Variants in CHSY3 observed in about 807,000 individuals in gnomAD.
CHSY3 encodes chondroitin sulfate synthase 3, also known as N-acetylgalactosaminyl-proteoglycan 3-beta-glucuronosyltransferase 3.
In CHSY3, 35 loss-of-function variants were observed where a neutral mutation model predicts 67.2. The observed-to-expected ratio is 0.52, with a 90% confidence interval of 0.40 to 0.69. The LOEUF is 0.69. Ranked by LOEUF, CHSY3 falls within the 30% of genes least tolerant of loss-of-function variation. The pLI, the probability that CHSY3 is intolerant of heterozygous loss-of-function variation, is 0.00. For synonymous variants in CHSY3, 474 were observed against 434.7 expected, an observed-to-expected ratio of 1.09 and a Z score of -1.12; for missense variants, 1,069 against 1,138.5, an observed-to-expected ratio of 0.94 and a Z score of 0.88.
intron 2 of CHSY3, among the ~76,000 whole-genome samples, chr5:130,102,460 A>T (rs992777270): frequency 6.6e-6 from 1 of 151,800 alleles, no homozygotes; most frequent in African/African-American, 2.4e-5. Flanking sequence ...GTTGAGAAAG[A>T]TCTTGTTTTT....
At chr5:129,965,191 A>G (rs1445394511) in intron 2 of CHSY3, among the ~76,000 whole-genome samples, 1 of 151,878 alleles carries the variant, frequency 6.6e-6, no homozygotes, top group Non-Finnish European at 1.5e-5. Context: ...AATGGGTGGT[A>G]GAAATCTGGT....
At chr5:129,978,112 A>C (rs142849489) in intron 2 of CHSY3, among the ~76,000 whole-genome samples, 1,640 of 152,286 alleles carry the variant, frequency 0.011, 24 homozygotes, top group African/African-American at 0.037. Flanking sequence ...CAATGCTGTG[A>C]ATTAAATGTT....
intron 2 of CHSY3, among the ~76,000 whole-genome samples, chr5:129,988,547 T>C (rs1279085681): frequency 6.6e-6 from 1 of 152,178 alleles, no homozygotes; most frequent in African/African-American, 2.4e-5. Flanking sequence ...TCAGGAGTTC[T>C]TATCAGTTGT....
At chr5:130,116,571 A>T (rs1462907464) in intron 2 of CHSY3, among the ~76,000 whole-genome samples, 8 of 152,128 alleles carry the variant, frequency 5.3e-5, no homozygotes, top group African/African-American at 1.7e-4. Flanking sequence ...TAGTCTCTGT[A>T]GTTGGCTGTG....
chr5:130,159,161 C>CTTT (rs33919002), intron 2 of CHSY3, among the ~76,000 whole-genome samples: 28,793 of 98,362 alleles, frequency 0.29, 4,404 homozygotes, highest in Non-Finnish European at 0.34. Context: ...TAAGATTTGT[C>CTTT]TTTTTTTTTT....
intron 2 of CHSY3, among the ~76,000 whole-genome samples, chr5:130,096,787 T>G (rs1767063193): frequency 6.6e-6 from 1 of 152,154 alleles, no homozygotes. Context: ...ATTCAGCCTC[T>G]TTATCCCAGT....
At chr5:130,136,929 C>T (rs1768683811) in intron 2 of CHSY3, among the ~76,000 whole-genome samples, 1 of 152,108 alleles carries the variant, frequency 6.6e-6, no homozygotes, top group Admixed American at 6.5e-5. Context: ...GTTCTCAAAG[C>T]TTAATAAGAC....
intron 2 of CHSY3, among the ~76,000 whole-genome samples, chr5:129,932,488 A>C (rs951313138): frequency 1.5e-4 from 23 of 152,136 alleles, no homozygotes; most frequent in African/African-American, 5.6e-4. Flanking sequence ...TGTTTGGCCC[A>C]AAAATTGGAC....
intron 2 of CHSY3, among the ~76,000 whole-genome samples, chr5:130,053,360 C>G (rs1237593175): frequency 6.6e-6 from 1 of 151,966 alleles, no homozygotes. Flanking sequence ...TATAATCAAG[C>G]AAAAGCTATA....
chr5:130,013,920 T>C (rs191359161), intron 2 of CHSY3, among the ~76,000 whole-genome samples: 1 of 152,358 alleles, frequency 6.6e-6, no homozygotes, highest in African/African-American at 2.4e-5. Context: ...CAAACTGCTA[T>C]GCTCTGCTTC....
chr5:129,957,184 C>T (rs189710141), intron 2 of CHSY3, among the ~76,000 whole-genome samples: 6 of 152,084 alleles, frequency 3.9e-5, no homozygotes, highest in South Asian at 4.1e-4. Flanking sequence ...CTTTCACCTC[C>T]GTCGTTATCT....
In CHSY3 at chr5:130,056,768, G is replaced by A. The variant is rs574311935; in HGVS notation, c.1087-127461G>A. On this transcript the variant is annotated intron_variant, in intron 2 of 2. Coordinates refer to ENST00000305031, the MANE Select transcript of CHSY3 (RefSeq NM_175856.5). ...TGGGCAGGATTCTTAACTGTATTGGGACTCAATGTCCTCATATATAAAGTA... is the reference window on the plus strand; with the variant it reads ...TGGGCAGGATTCTTAACTGTATTGGAACTCAATGTCCTCATATATAAAGTA... Among the ~76,000 whole-genome samples, 6 of 152,114 alleles carry A rather than the reference G, an allele frequency of 3.9e-5. No homozygotes were observed. In the South Asian group the frequency reaches 1.2e-3, roughly 32 times the overall value.
At chr5:130,130,385 G>T (rs868020720) in intron 2 of CHSY3, among the ~76,000 whole-genome samples, 3 of 152,078 alleles carry the variant, frequency 2.0e-5, no homozygotes, top group African/African-American at 7.2e-5. Flanking sequence ...TGTATATCTG[G>T]AATTCTGATC....
At chr5:129,963,249 T>A (rs529617393) in intron 2 of CHSY3, among the ~76,000 whole-genome samples, 43 of 152,082 alleles carry the variant, frequency 2.8e-4, no homozygotes, top group African/African-American at 9.9e-4. Context: ...CTATAGTCTT[T>A]TGATGTTTAG....
chr5:129,904,547 G>A lies in CHSY3; in HGVS notation c.-283G>A. 2.8e-6 allele frequency: 1 copy of A among 351,074 alleles called. No homozygotes were observed. The highest frequency in any genetic ancestry group is 4.8e-6 in the Non-Finnish European group (1 of 207,990). 21.7% of individuals were successfully genotyped at this position (351,074 alleles called of 1,614,324 possible). ...TCCTCCTGCAGCTCCTCCAGCTGCCGCTGCTGCCGCCGCTGCCGCCACCGC... is the reference window on the plus strand; with the variant it reads ...TCCTCCTGCAGCTCCTCCAGCTGCCACTGCTGCCGCCGCTGCCGCCACCGC... On this transcript the variant is annotated 5_prime_UTR_variant, in exon 1 of 3. Transcript: ENST00000305031.
chr5:130,047,978 G>A (rs529787307), intron 2 of CHSY3, among the ~76,000 whole-genome samples: 1 of 151,020 alleles, frequency 6.6e-6, no homozygotes, highest in Non-Finnish European at 1.5e-5. Flanking sequence ...AATAATGAAT[G>A]GCTTTACCTA....
intron 2 of CHSY3, among the ~76,000 whole-genome samples, chr5:130,025,887 G>C (rs1470598043): frequency 6.6e-6 from 1 of 152,138 alleles, no homozygotes; most frequent in African/African-American, 2.4e-5. Flanking sequence ...GTCTATAGCA[G>C]ATATCATCTG....
In CHSY3 at chr5:130,020,441, ATATATATATATATATATATATTTT is replaced by A. The variant is rs1422886443; in HGVS notation, c.1086+112083_1086+112106del. On this transcript the variant is annotated intron_variant, in intron 2 of 2. Coordinates refer to ENST00000305031, the MANE Select transcript of CHSY3 (RefSeq NM_175856.5). ...TCTCAAAATATATATATATATATAT[ATATATATATATATATATATATTTT>A]TTTTTTTTTTTTTTCCTCTGGCTCC... is the stretch of plus-strand genomic sequence containing the variant. Among the ~76,000 whole-genome samples, 51 of 13,194 alleles carry A rather than the reference ATATATATATATATATATATATTTT, an allele frequency of 3.9e-3. 2 individuals are homozygous for A. Among genetic ancestry groups the A allele is most frequent in the African/African-American group, 0.012 (49 of 4,066 alleles). 8.7% of individuals were successfully genotyped at this position (13,194 alleles called of 152,430 possible). A position where few individuals can be genotyped will look rare whatever the true frequency, so the allele number is the denominator to read the frequency against.
chr5:130,015,025 CA>C (rs1368532742), intron 2 of CHSY3, among the ~76,000 whole-genome samples: 3 of 152,170 alleles, frequency 2.0e-5, no homozygotes, highest in Non-Finnish European at 4.4e-5. Context: ...ACTCAAATCT[CA>C]TGTTGAATTG....
Sources: allele counts gnomAD v4.1 joint callset (sites outside exome capture counted in the v4.1 genomes callset), GRCh38; gene constraint gnomAD v4.1.1; transcripts MANE v1.5; gene names NCBI Gene and HGNC (gene_info 2026-07-23, HGNC 2026-07-21).